PDE8B: variants seen among roughly 807,000 people sequenced by gnomAD.
PDE8B encodes the protein phosphodiesterase 8B.
A neutral mutation model predicts 101.3 loss-of-function variants in PDE8B; 26 were observed. That is an observed-to-expected ratio of 0.26 (90% CI 0.19 to 0.36). The LOEUF is 0.36. Ranked by LOEUF, PDE8B falls within the 10% of genes least tolerant of loss-of-function variation. PDE8B has a pLI of 1.00. For synonymous variants in PDE8B, 424 were observed against 429.3 expected (o/e 0.99, Z 0.15); for missense variants, 810 against 1,163.1 (o/e 0.70, Z 4.42).
chr5:77,409,722 A>C (rs878921612), intron 14 of PDE8B, among the ~76,000 whole-genome samples: 1 of 152,332 alleles, frequency 6.6e-6, no homozygotes, highest in South Asian at 2.1e-4. Flanking sequence ...AAAGGAAAAA[A>C]ATTCAAATTG....
chr5:77,196,793 A>G, the PDE8B span, among the ~76,000 whole-genome samples: 90 of 152,226 alleles, frequency 5.9e-4, no homozygotes, highest in African/African-American at 2.0e-3. Context: ...TATTTTGTAG[A>G]CTTCACCTGA....
chr5:77,230,071 A>G (rs930476272), intron 1 of PDE8B, among the ~76,000 whole-genome samples: 6 of 152,016 alleles, frequency 3.9e-5, no homozygotes, highest in Non-Finnish European at 8.8e-5. Flanking sequence ...GAGGGTCTCT[A>G]TTTCTCCATG....
At chr5:77,331,550 C>A in intron 5 of PDE8B, 91 bp downstream of exon 5, 1 of 1,013,626 alleles carries the variant, frequency 9.9e-7, no homozygotes, top group Non-Finnish European at 1.6e-6. Flanking sequence ...CCACGGAGAA[C>A]TGTTAAGGAA....
At chr5:77,146,835 G>C in the PDE8B span, 32 of 351,914 alleles carry the variant, frequency 9.1e-5, no homozygotes, top group Admixed American at 6.6e-5. Context: ...CGAAAAAGTA[G>C]TTCAAGGATC....
chr5:77,105,218 G>GTA, the PDE8B span: 3 of 152,142 alleles, frequency 2.0e-5, no homozygotes, highest in African/African-American at 7.2e-5. Context: ...TAGTTTTGGT[G>GTA]TATTTTGTAT....
intron 20 of PDE8B, 67 bp downstream of exon 20, chr5:77,422,055 G>C (rs951090822): frequency 2.0e-6 from 3 of 1,498,984 alleles, no homozygotes; most frequent in South Asian, 1.2e-5. Context: ...TGGAACTCCT[G>C]GGGGATTCTC....
At chr5:77,393,762 G>A (rs1790446232) in intron 10 of PDE8B, among the ~76,000 whole-genome samples, 1 of 152,124 alleles carries the variant, frequency 6.6e-6, no homozygotes, top group Admixed American at 6.5e-5. Context: ...CTATACATAG[G>A]TACTATACCT....
the PDE8B span, among the ~76,000 whole-genome samples, chr5:77,100,593 C>T: frequency 1.8e-3 from 270 of 152,192 alleles, 1 homozygote; most frequent in Non-Finnish European, 3.3e-3. Flanking sequence ...ATGGAAAAGA[C>T]CTGGGAGGCA....
the PDE8B span, among the ~76,000 whole-genome samples, chr5:77,091,739 A>G: frequency 1.3e-5 from 2 of 152,244 alleles, no homozygotes; most frequent in African/African-American, 2.4e-5. Context: ...TCAATATTTG[A>G]ACAATTTTTT....
the PDE8B span, among the ~76,000 whole-genome samples, chr5:77,203,247 T>C: frequency 3.0e-4 from 46 of 152,376 alleles, no homozygotes; most frequent in Non-Finnish European, 1.5e-4. Context: ...TTCCCACTTA[T>C]TCAAATACTG....
At chr5:77,095,670 C>T in the PDE8B span, among the ~76,000 whole-genome samples, 9 of 152,146 alleles carry the variant, frequency 5.9e-5, no homozygotes, top group South Asian at 2.1e-4. Context: ...GATGGCCTAC[C>T]GTGATGGGCT....
chr5:77,099,657 G>C, the PDE8B span, among the ~76,000 whole-genome samples: 33,863 of 151,566 alleles, frequency 0.22, 4,528 homozygotes, highest in Admixed American at 0.34. Flanking sequence ...TGTCACCCAG[G>C]CTGGAGTGCA....
At chr5:77,269,491 T>C (rs1167180693) in intron 1 of PDE8B, among the ~76,000 whole-genome samples, 1 of 152,218 alleles carries the variant, frequency 6.6e-6, no homozygotes, top group African/African-American at 2.4e-5. Flanking sequence ...ATGATCCCAT[T>C]TATCCATTCT....
chr5:77,358,353 A>G, intron 10 of PDE8B: 2 of 704,444 alleles, frequency 2.8e-6, no homozygotes, highest in Non-Finnish European at 3.5e-6. Flanking sequence ...CCCCCAGGAA[A>G]TCTTCCAAAC....
chr5:77,351,269 T>G, intron 9 of PDE8B, 116 bp downstream of exon 9: 1 of 807,742 alleles, frequency 1.2e-6, no homozygotes, highest in Non-Finnish European at 2.1e-6. Flanking sequence ...AGGGTTGTGC[T>G]GAATGTAGTA....
chr5:77,133,589 G>A, the PDE8B span, among the ~76,000 whole-genome samples: 1 of 152,182 alleles, frequency 6.6e-6, no homozygotes, highest in African/African-American at 2.4e-5. Context: ...ACTGTTATAG[G>A]AGGCTGGAAA....
chr5:77,266,574 T>C (rs1761751761), intron 1 of PDE8B, among the ~76,000 whole-genome samples: 1 of 152,196 alleles, frequency 6.6e-6, no homozygotes, highest in African/African-American at 2.4e-5. Context: ...TATATATATT[T>C]AATGTGGCAT....
At chr5:77,422,208 A>G (rs1000748078) in intron 20 of PDE8B, among the ~76,000 whole-genome samples, 2 of 152,202 alleles carry the variant, frequency 1.3e-5, no homozygotes, top group African/African-American at 4.8e-5. Flanking sequence ...GAAGGGGGAT[A>G]AACTGAGCCT....
chr5:77,224,200 G>A (rs1030978167), intron 1 of PDE8B, among the ~76,000 whole-genome samples: 5 of 152,154 alleles, frequency 3.3e-5, no homozygotes, highest in African/African-American at 9.7e-5. Context: ...AATAAGGATA[G>A]TGAAAGTTCT....
Sources: allele counts gnomAD v4.1 joint callset (sites outside exome capture counted in the v4.1 genomes callset), GRCh38; gene constraint gnomAD v4.1.1; transcripts MANE v1.5; gene names NCBI Gene and HGNC (gene_info 2026-07-23, HGNC 2026-07-21).